Variants in RPLP1 observed in about 807,000 individuals in gnomAD.
The protein encoded by RPLP1 is ribosomal protein lateral stalk subunit P1, also known as large ribosomal subunit protein P1.
In RPLP1, 4 loss-of-function variants were observed where a neutral mutation model predicts 11.6. The ratio of observed to expected loss-of-function variants is 0.34; its 90% CI spans 0.17 to 0.79. The LOEUF is 0.79. Ranked by LOEUF, RPLP1 falls within the 30% of genes least tolerant of loss-of-function variation. The pLI is 0.55. For synonymous variants in RPLP1, 54 were observed against 52.2 expected (o/e 1.03, Z -0.15); for missense variants, 133 against 142.8 (o/e 0.93, Z 0.35).
At position 69,454,998 on chromosome 15, in the gene RPLP1, G is replaced by A. The variant is rs1412679942; in HGVS notation, c.148-172G>A. 1.3e-5 allele frequency: 11 copies of A among 877,822 alleles called. No homozygotes were observed. The South Asian group carries it at 2.7e-4, about 22-fold the overall frequency. 54.4% of individuals were successfully genotyped at this position (877,822 alleles called of 1,614,324 possible). On this transcript the variant is annotated intron_variant, in intron 2 of 3. Coordinates refer to ENST00000260379, the MANE Select transcript of RPLP1 (RefSeq NM_001003.3). ...TATACTTTAGAAGTCTACATGTTTG[G>A]TACACATGCTTATTTTTCCACTGTT...
chr15:69,453,506 G>C, intron 1 of RPLP1, 141 bp from the exon 2 acceptor site: 1 of 880,474 alleles, frequency 1.1e-6, no homozygotes, highest in Non-Finnish European at 1.8e-6. Context: ...ATTGCAGGGC[G>C]CCTGGCACAC....
rs113827198 is a variant in RPLP1, at chr15:69,452,818, C to T, written c.-131C>T. ...AAGAGGCTGCGTATAGGCGCGAGAG[C>T]CCCTTTCCTCAGCTGCCGCCAAGGT... On this transcript the variant is annotated 5_prime_UTR_variant, in exon 1 of 4. Transcript: ENST00000260379. The T allele has an allele frequency of 1.5e-5, 12 of 808,372 alleles. No homozygotes were observed. Among genetic ancestry groups the T allele is most frequent in the East Asian group, 5.4e-5 (2 of 37,352 alleles). 50.1% of individuals were successfully genotyped at this position (808,372 alleles called of 1,614,324 possible). A position where few individuals can be genotyped will look rare whatever the true frequency, so the allele number is the denominator to read the frequency against.
chr15:69,455,052 AT>A, intron 2 of RPLP1, 117 bp from the exon 3 acceptor site: 1 of 1,401,132 alleles, frequency 7.1e-7, no homozygotes, highest in South Asian at 1.7e-5. Context: ...CTCACTGTAT[AT>A]AGTGTTAGGG....
intron 2 of RPLP1, 48 bp from the exon 3 acceptor site, chr15:69,455,122 A>C: frequency 6.6e-7 from 1 of 1,514,320 alleles, no homozygotes; most frequent in Non-Finnish European, 8.8e-7. Flanking sequence ...GTGAGTGCTT[A>C]ACAAGGACAG....
At chr15:69,453,196 C>G in intron 1 of RPLP1, 176 bp downstream of exon 1, 1 of 636,178 alleles carries the variant, frequency 1.6e-6, no homozygotes, top group Non-Finnish European at 2.7e-6. Flanking sequence ...CGGGCAGGTC[C>G]TGGGCCCCCG....
At position 69,452,944 on chromosome 15, in the gene RPLP1, G is replaced by T; in HGVS notation, c.-5G>T. On this transcript the variant is annotated 5_prime_UTR_variant, in exon 1 of 4. Coordinates refer to ENST00000260379, the MANE Select transcript of RPLP1 (RefSeq NM_001003.3). ...GGCAGCGCCAGCCCTACACTCGCCC[G>T]CGCCATGGCCTCTGTCTCCGAGCTC... 6.4e-7 allele frequency: 1 copy of T among 1,571,748 alleles called. No individual in the cohort carries two copies.
At chr15:69,453,481 TG>T (rs765788660) in intron 1 of RPLP1, 165 bp from the exon 2 acceptor site, 4 of 712,510 alleles carry the variant, frequency 5.6e-6, no homozygotes, top group Non-Finnish European at 9.6e-6. Context: ...GAAACAGCAG[TG>T]ATGGGCTCGC....
At chr15:69,453,464 A>T (rs1243036623) in intron 1 of RPLP1, 183 bp from the exon 2 acceptor site, 1 of 665,510 alleles carries the variant, frequency 1.5e-6, no homozygotes, top group Non-Finnish European at 2.6e-6. Flanking sequence ...GGCAAGTCCC[A>T]GCCCGTGAAA....
chr15:69,453,305 C>T (rs1892380233), intron 1 of RPLP1: 2 of 575,926 alleles, frequency 3.5e-6, no homozygotes, highest in Non-Finnish European at 6.2e-6. Flanking sequence ...AGTGCTTGGG[C>T]ACCCTGACCC....
Position 69,453,708 on chromosome 15 carries a change from G to A in RPLP1, c.134G>A (p.Gly45Asp). The change falls in exon 2 of 4, where the codon GGC becomes GAC. Residue 45 changes from glycine (G) to aspartate (D), a missense_variant. By Grantham distance (94) the Gly-to-Asp change is moderately conservative. Coordinates refer to ENST00000260379, the MANE Select transcript of RPLP1 (RefSeq NM_001003.3). ...GTAAATGTTGAGCCTTTTTGGCCTGGCTTGTTTGCAAAGGTAAGGTGATGG... is the reference window on the plus strand; with the variant it reads ...GTAAATGTTGAGCCTTTTTGGCCTGACTTGTTTGCAAAGGTAAGGTGATGG... ...AGVNVEPFWPGLFAKALANVN... is the reference protein window; with the variant it reads ...AGVNVEPFWPDLFAKALANVN... 6.2e-7 allele frequency: 1 copy of A among 1,614,144 alleles called. No homozygotes were observed.
chr15:69,453,355 T>C (rs1057302134), intron 1 of RPLP1: 1 of 577,836 alleles, frequency 1.7e-6, no homozygotes, highest in Non-Finnish European at 3.1e-6. Flanking sequence ...CGGACCTCTT[T>C]CGGTGTAATT....
Position 69,453,151 on chromosome 15 carries a change from T to A in RPLP1, c.72+131T>A, listed in dbSNP as rs1225309164. The A allele has an allele frequency of 1.4e-5, 12 of 850,008 alleles. No individual in the cohort carries two copies. The South Asian group carries it at 1.7e-4, about 12-fold the overall frequency. 52.7% of individuals were successfully genotyped at this position (850,008 alleles called of 1,614,324 possible). ...GGCCAGGCCGCGAACACAGGCCGCATAGGGCGGGCGCTCCTCGGGGCTGGG... is the reference window on the plus strand; with the variant it reads ...GGCCAGGCCGCGAACACAGGCCGCAAAGGGCGGGCGCTCCTCGGGGCTGGG... On this transcript the variant is annotated intron_variant, in intron 1 of 3. Coordinates refer to ENST00000260379, the MANE Select transcript of RPLP1 (RefSeq NM_001003.3).
In RPLP1 at chr15:69,455,140, C is replaced by T. The variant is rs775784832; in HGVS notation, c.148-30C>T. On this transcript the variant is annotated intron_variant, in intron 2 of 3. Transcript: ENST00000260379. Reference sequence around the variant, plus strand: ...AGTGCTTAACAAGGACAGAACTGGGCGTTTACCTATGCATGCACATGTATT... The same window carrying T: ...AGTGCTTAACAAGGACAGAACTGGGTGTTTACCTATGCATGCACATGTATT... The T allele has an allele frequency of 1.4e-5, 22 of 1,533,322 alleles. No individual in the cohort carries two copies. In the East Asian group the frequency reaches 3.7e-4, roughly 25 times the overall value. The allele number at this position is 1,533,322 out of a possible 1,614,324, so 95.0% of individuals were successfully genotyped here.
At chr15:69,454,661 G>A (rs1892407745) in intron 2 of RPLP1, 1 of 152,244 alleles carries the variant, frequency 6.6e-6, no homozygotes, top group Admixed American at 6.5e-5. Flanking sequence ...TCACTGTTAA[G>A]AGGAGACATG....
Position 69,453,536 on chromosome 15 carries a change from G to T in RPLP1, c.73-111G>T, listed in dbSNP as rs537720550. On this transcript the variant is annotated intron_variant, in intron 1 of 3. Transcript: ENST00000260379. The stretch of plus-strand genomic sequence containing the variant: ...GCACACATCTCTTTTGCTTGTGATA[G>T]AATATTTGAGCTGGTTAAACATGTT... 29 of 1,184,066 alleles carry T rather than the reference G, an allele frequency of 2.4e-5. No individual in the cohort carries two copies. In the African/African-American group the frequency reaches 4.2e-4, roughly 17 times the overall value. 73.3% of individuals were successfully genotyped at this position (1,184,066 alleles called of 1,614,324 possible). A position where few individuals can be genotyped will look rare whatever the true frequency, so the allele number is the denominator to read the frequency against.
In RPLP1 at chr15:69,455,605, A is replaced by T; in HGVS notation, c.*98A>T. On this transcript the variant is annotated 3_prime_UTR_variant, in exon 4 of 4. Coordinates refer to ENST00000260379, the MANE Select transcript of RPLP1 (RefSeq NM_001003.3). ...GCTCTGCAAAAATGGTCTGTTTTGT[A>T]ATGTTGGCTTTCAGCCTATTCTGCC... 1.1e-6 allele frequency: 1 copy of T among 900,686 alleles called. No individual in the cohort carries two copies. Among genetic ancestry groups the T allele is most frequent in the East Asian group, 2.6e-5 (1 of 38,168 alleles). The allele number at this position is 900,686 out of a possible 1,614,324, so 55.8% of individuals were successfully genotyped here.
rs576544725 is a variant in RPLP1 at position 69,455,414 on chromosome 15, CTTT to C, written c.266-7_266-5del. 5.7e-6 allele frequency: 9 copies of C among 1,590,542 alleles called. No homozygotes were observed. The African/African-American group carries it at 1.1e-4, about 19-fold the overall frequency. On this transcript the variant is annotated splice_polypyrimidine_tract_variant and intron_variant, in intron 3 of 3. Coordinates refer to ENST00000260379, the MANE Select transcript of RPLP1 (RefSeq NM_001003.3). ...TATGGAAATCCTAACACCTGATTGACTTTTTTTTTCTAGCTGAGGAGAAGAAAG... is the reference window on the plus strand; with the variant it reads ...TATGGAAATCCTAACACCTGATTGACTTTTTTCTAGCTGAGGAGAAGAAAG...
chr15:69,453,091 G>A, intron 1 of RPLP1, 71 bp downstream of exon 1: 2 of 1,380,904 alleles, frequency 1.4e-6, no homozygotes, highest in Non-Finnish European at 2.0e-6. Flanking sequence ...TGCGGTTCCC[G>A]GCTCCAGGCC....
chr15:69,453,582 G>T (rs1377881677), intron 1 of RPLP1, 65 bp from the exon 2 acceptor site: 18 of 1,510,318 alleles, frequency 1.2e-5, no homozygotes, highest in African/African-American at 2.7e-5. Context: ...ATTGAGTGAC[G>T]TGCAGCATTT....
Sources: allele counts gnomAD v4.1 joint callset, GRCh38; gene constraint gnomAD v4.1.1; transcripts MANE v1.5; gene names NCBI Gene and HGNC (gene_info 2026-07-23, HGNC 2026-07-21).